SLC16A14: variants seen among roughly 807,000 people sequenced by gnomAD.
SLC16A14 encodes the protein solute carrier family 16 member 14.
In SLC16A14, 14 loss-of-function variants were observed where a neutral mutation model predicts 35.8. The observed-to-expected ratio is 0.39, with a 90% CI of 0.26 to 0.61. The LOEUF (loss-of-function observed/expected upper bound fraction) is 0.61. Among genes scored for constraint, SLC16A14 ranks in the 20% least tolerant of loss-of-function variants. The pLI is 0.51. For synonymous variants in SLC16A14, 248 were observed against 258.9 expected, an observed-to-expected ratio of 0.96 and a Z score of 0.40; for missense variants, 533 against 655.0, an observed-to-expected ratio of 0.81 and a Z score of 2.03.
intron 2 of SLC16A14, among the ~76,000 whole-genome samples, chr2:230,056,169 A>C (rs1415384649): frequency 6.6e-6 from 1 of 152,082 alleles, no homozygotes; most frequent in African/African-American, 2.4e-5. Flanking sequence ...ACACACTTGC[A>C]CACACATGTG....
intron 4 of SLC16A14, 30 bp from the exon 5 acceptor site, chr2:230,037,561 T>G (rs778293107): frequency 6.5e-7 from 1 of 1,540,474 alleles, no homozygotes; most frequent in South Asian, 1.3e-5. Context: ...ATATTCAGTG[T>G]CATGGAGTTG....
At chr2:230,054,218 A>G (rs1193964755) in intron 2 of SLC16A14, among the ~76,000 whole-genome samples, 1 of 152,190 alleles carries the variant, frequency 6.6e-6, no homozygotes, top group African/African-American at 2.4e-5. Flanking sequence ...GGCATCCCCC[A>G]AGAATGATTC....
chr2:230,052,621 G>A (rs1328359866), intron 2 of SLC16A14, among the ~76,000 whole-genome samples: 8 of 148,796 alleles, frequency 5.4e-5, no homozygotes, highest in Non-Finnish European at 3.0e-5. Flanking sequence ...AGGCGTTTGA[G>A]AAAAAAAAAA....
At position 230,068,627 on chromosome 2, in the gene SLC16A14, A is replaced by C. The variant is rs1248100645; in HGVS notation, c.-87T>G. 6.6e-6 allele frequency: 1 copy of C among 152,388 alleles called. No homozygotes were observed. Among genetic ancestry groups the C allele is most frequent in the Non-Finnish European group, 1.5e-5 (1 of 68,070 alleles). 9.4% of individuals were successfully genotyped at this position (152,388 alleles called of 1,614,324 possible). On this transcript the variant is annotated 5_prime_UTR_variant, in exon 1 of 5. Coordinates refer to ENST00000295190, the MANE Select transcript of SLC16A14 (RefSeq NM_152527.5). The surrounding 1 kb of genome is among the most constrained non-coding windows in gnomAD (Gnocchi z 5.1). The stretch of plus-strand genomic sequence containing the variant: ...TCCTCGAACTTGCTGCTCTGCTTGG[A>C]GCCCCCTGAGCTGCTGGGTGTAGAG...
intron 2 of SLC16A14, among the ~76,000 whole-genome samples, chr2:230,052,061 C>G (rs1267188975): frequency 6.6e-6 from 1 of 151,878 alleles, no homozygotes; most frequent in Non-Finnish European, 1.5e-5. Flanking sequence ...CTCAGCCTCC[C>G]GTGTAGCTGG....
intron 1 of SLC16A14, among the ~76,000 whole-genome samples, chr2:230,067,723 T>C (rs532645088): frequency 6.6e-6 from 1 of 152,312 alleles, no homozygotes; most frequent in South Asian, 2.1e-4. Flanking sequence ...AATGGCTTAA[T>C]TGGAAAGCAG....
chr2:230,043,790 C>A (rs551330298), intron 4 of SLC16A14, among the ~76,000 whole-genome samples: 14 of 152,376 alleles, frequency 9.2e-5, no homozygotes, highest in African/African-American at 2.9e-4. Flanking sequence ...TATCTTCACA[C>A]AGTACCTGGT....
chr2:230,046,063 G>T lies in SLC16A14; in HGVS notation c.1063C>A (p.Leu355Met), dbSNP rs751467731. 7 of 1,614,072 alleles carry T rather than the reference G, an allele frequency of 4.3e-6. No homozygotes were observed. Among genetic ancestry groups the T allele is most frequent in the Admixed American group, 1.7e-5 (1 of 60,002 alleles). The change falls in exon 4 of 5, where the codon CTG becomes ATG. Residue 355 changes from leucine (L) to methionine (M), a missense_variant. Leu to Met is a conservative substitution (Grantham distance 15). Transcript: ENST00000295190. This position sits in a 1 kb window ranked among gnomAD's most constrained non-coding sequence, Gnocchi z 5.0. ...NLSEQNDVFP[L>M]TSIIAIVHIF... The stretch of plus-strand genomic sequence containing the variant: ...TGAACTATTGCTATAATTGACGTCA[G>T]AGGGAAAACGTCGTTTTGCTCCGAT...
chr2:230,062,142 C>A (rs1235398751), intron 1 of SLC16A14, among the ~76,000 whole-genome samples: 2 of 151,512 alleles, frequency 1.3e-5, no homozygotes, highest in Non-Finnish European at 2.9e-5. Flanking sequence ...TACTGAAAAT[C>A]ATTTTGTTGC....
intron 4 of SLC16A14, among the ~76,000 whole-genome samples, chr2:230,044,213 C>T (rs1173109520): frequency 6.6e-6 from 1 of 151,482 alleles, no homozygotes; most frequent in Non-Finnish European, 1.5e-5. Context: ...GTGGCTCATG[C>T]CTGTAATCCC....
intron 1 of SLC16A14, among the ~76,000 whole-genome samples, chr2:230,064,463 G>A (rs79818939): frequency 2.1e-3 from 322 of 152,296 alleles, no homozygotes; most frequent in Admixed American, 3.5e-3. Context: ...CAGTGGATGA[G>A]CCCAGAGAGG....
intron 1 of SLC16A14, among the ~76,000 whole-genome samples, chr2:230,064,026 G>A (rs2077771736): frequency 1.3e-5 from 2 of 151,912 alleles, no homozygotes; most frequent in Non-Finnish European, 2.9e-5. Flanking sequence ...GAGCCTGGGA[G>A]GTTCAGGCTG....
In SLC16A14 at chr2:230,046,657, G is replaced by T; in HGVS notation, c.469C>A (p.Arg157Ser). ...GTGCTGAGGCCCTGGGCGAGGGCGC[G>T]TCTCTTCTGGAAATACCTGCCCACC... ...VMVGRYFQKR[R>S]ALAQGLSTTG... Residue 157 changes from arginine (R) to serine (S), a missense_variant, in exon 4 of 5, where the codon CGC becomes AGC. Transcript: ENST00000295190. This position sits in a 1 kb window ranked among gnomAD's most constrained non-coding sequence, Gnocchi z 5.0. The T allele has an allele frequency of 4.4e-6, 7 of 1,605,330 alleles. No homozygotes were observed. Among genetic ancestry groups the T allele is most frequent in the Non-Finnish European group, 5.9e-6 (7 of 1,179,992 alleles).
chr2:230,037,392 A>C lies in SLC16A14; in HGVS notation c.1521T>G (p.Gly507=). The C allele has an allele frequency of 6.2e-7, 1 of 1,607,082 alleles. No individual in the cohort carries two copies. Among genetic ancestry groups the C allele is most frequent in the Non-Finnish European group, 8.5e-7 (1 of 1,178,020 alleles). The change falls in exon 5 of 5, where the codon GGT becomes GGG. Residue 507 remains glycine, a synonymous_variant. Transcript: ENST00000295190. ...ACATTACATGATACTAAACATGTGC[A>C]CCATCCATGTATTTTCTTCTGGATT... ...IEQSRRKYMD[G]AHV
Position 230,049,906 on chromosome 2 carries a change from T to C in SLC16A14, c.260-2A>G. The C allele has an allele frequency of 1.9e-6, 3 of 1,613,804 alleles. No homozygotes were observed. Among genetic ancestry groups the C allele is most frequent in the Non-Finnish European group, 2.5e-6 (3 of 1,179,762 alleles). On this transcript the variant is annotated splice_acceptor_variant, in intron 2 of 4. Transcript: ENST00000295190. LOFTEE classifies it high-confidence loss of function. ...TAATGAACAAGCCGATGAAAGGGCC[T>C]GTCACAGAGCATTGGAAAAGGAATT...
rs1405349930 is a variant in SLC16A14 at position 230,049,805 on chromosome 2, G to C, written c.359C>G (p.Ala120Gly). 1 of 1,614,044 alleles carries C rather than the reference G, an allele frequency of 6.2e-7. No individual in the cohort carries two copies. Among genetic ancestry groups the C allele is most frequent in the Non-Finnish European group, 8.5e-7 (1 of 1,180,028 alleles). Residue 120 changes from alanine to glycine, a missense_variant, in exon 3 of 5, where the codon GCT (alanine) becomes GGT (glycine). By Grantham distance (60) the Ala-to-Gly change is moderately conservative (BLOSUM62 0). Transcript: ENST00000295190. ...NSLGWVLSAY[A>G]ANVHYLFITF... is the part of the protein sequence containing the mutation. ...AATGAAGAGATAATGCACGTTTGCA[G>C]CATAGGCACTCAACACCCAGCCCAG...
Position 230,035,349 on chromosome 2 carries a change from G to A in SLC16A14, c.*2031C>T, listed in dbSNP as rs1461385400. Reference sequence around the variant, plus strand: ...CATTGGATAAAAAGTTCATATTGATGATACACAACCAGCAGTGCAAGCATT... The same window carrying A: ...CATTGGATAAAAAGTTCATATTGATAATACACAACCAGCAGTGCAAGCATT... On this transcript the variant is annotated 3_prime_UTR_variant, in exon 5 of 5. Transcript: ENST00000295190. 6.6e-6 allele frequency: 1 copy of A among 152,602 alleles called. No homozygotes were observed. Among genetic ancestry groups the A allele is most frequent in the African/African-American group, 2.4e-5 (1 of 41,426 alleles). 9.5% of individuals were successfully genotyped at this position (152,602 alleles called of 1,614,324 possible).
At chr2:230,054,692 G>C (rs1336032892) in intron 2 of SLC16A14, among the ~76,000 whole-genome samples, 8 of 152,162 alleles carry the variant, frequency 5.3e-5, no homozygotes, top group Admixed American at 5.2e-4. Context: ...ATTGAGACCA[G>C]TCTCAGATAT....
chr2:230,061,023 G>A (rs2077748321), intron 1 of SLC16A14, among the ~76,000 whole-genome samples: 1 of 152,172 alleles, frequency 6.6e-6, no homozygotes, highest in Non-Finnish European at 1.5e-5. Flanking sequence ...TACAACAAGT[G>A]GAAATGATTG....
Sources: gnomAD v4.1 joint callset for allele counts (sites outside exome capture counted in the v4.1 genomes callset) on GRCh38, gnomAD v4.1.1 for gene constraint, Gnocchi (gnomAD v3.1) non-coding constraint, MANE v1.5 for transcripts, NCBI Gene and HGNC (gene_info 2026-07-23, HGNC 2026-07-21) for gene names.